The following MDGA1 variants were observed in gnomAD, a reference collection of about 807,000 sequenced individuals.
The protein encoded by MDGA1 is MAM domain containing glycosylphosphatidylinositol anchor 1.
A neutral mutation model predicts 101.5 loss-of-function variants in MDGA1; 54 were observed. The observed-to-expected ratio is 0.53, with a 90% confidence interval of 0.43 to 0.67. The LOEUF (loss-of-function observed/expected upper bound fraction) is 0.67. Among genes scored for constraint, MDGA1 ranks in the 30% least tolerant of loss-of-function variants. MDGA1 has a pLI of 0.00. For synonymous variants in MDGA1, 533 were observed against 558.3 expected (o/e 0.95, Z 0.64); for missense variants, 1,083 against 1,323.8 (o/e 0.82, Z 2.82).
Position 37,658,232 on chromosome 6 carries a change from G to A in MDGA1, c.382+13C>T. The A allele has an allele frequency of 6.4e-7, 1 of 1,566,106 alleles. No individual in the cohort carries two copies. Among genetic ancestry groups the A allele is most frequent in the South Asian group, 1.2e-5 (1 of 84,904 alleles). On this transcript the variant is annotated intron_variant, in intron 3 of 16. Coordinates refer to ENST00000434837, the MANE Select transcript of MDGA1 (RefSeq NM_153487.4). ...GCTGTCAGGGCCCGGGGAGAGAGGG[G>A]GCCTCAACTCACACTGCACGTCCAC...
intron 1 of MDGA1, among the ~76,000 whole-genome samples, chr6:37,691,637 T>C (rs748997075): frequency 1.3e-5 from 2 of 152,390 alleles, no homozygotes; most frequent in Admixed American, 6.5e-5. Flanking sequence ...GTGTTATTCA[T>C]AGACTTGAGG....
At position 37,631,931 on chromosome 6, in the gene MDGA1, G is replaced by C. The variant is rs1441291571; in HGVS notation, c.*5437C>G. 1 of 152,206 alleles carries C rather than the reference G, an allele frequency of 6.6e-6. No individual in the cohort carries two copies. Among genetic ancestry groups the C allele is most frequent in the Non-Finnish European group, 1.5e-5 (1 of 68,042 alleles). 9.4% of individuals were successfully genotyped at this position (152,206 alleles called of 1,614,324 possible). On this transcript the variant is annotated 3_prime_UTR_variant, in exon 17 of 17. Transcript: ENST00000434837. Reference sequence around the variant, plus strand: ...AGCGTGTAGGAGGGATGGTAGGGTTGGGTGCCGAGAAGGGAAAATGGCATT... The same window carrying C: ...AGCGTGTAGGAGGGATGGTAGGGTTCGGTGCCGAGAAGGGAAAATGGCATT...
rs1763924573 is a variant in MDGA1 at position 37,636,090 on chromosome 6, C to G, written c.*1278G>C. The G allele has an allele frequency of 5.4e-6, 1 of 184,260 alleles. No individual in the cohort carries two copies. The highest frequency in any genetic ancestry group is 6.2e-5 in the Admixed American group (1 of 16,172). The allele number at this position is 184,260 out of a possible 1,614,324, so 11.4% of individuals were successfully genotyped here. On this transcript the variant is annotated 3_prime_UTR_variant, in exon 17 of 17. Coordinates refer to ENST00000434837, the MANE Select transcript of MDGA1 (RefSeq NM_153487.4). ...GCCTAAAGAGTCATTCTAGAAGGGG[C>G]TGGGCCTTCTCTCTCCCATGGATGG...
At position 37,689,223 on chromosome 6, in the gene MDGA1, C is replaced by A. The variant is rs571337198; in HGVS notation, c.67+7522G>T. On this transcript the variant is annotated intron_variant, in intron 1 of 16. Coordinates refer to ENST00000434837, the MANE Select transcript of MDGA1 (RefSeq NM_153487.4). The stretch of plus-strand genomic sequence containing the variant: ...GCTCCCCAGGGCTCTGGCCTCAGCC[C>A]AATCCCTTCTCTCTACTTTCTAATC... Among the ~76,000 whole-genome samples, 11 of 152,322 alleles carry A rather than the reference C, an allele frequency of 7.2e-5. No homozygotes were observed. The East Asian group carries it at 2.1e-3, about 29-fold the overall frequency.
At chr6:37,642,585 C>T (rs76434345) in intron 14 of MDGA1, among the ~76,000 whole-genome samples, 1 of 152,220 alleles carries the variant, frequency 6.6e-6, no homozygotes, top group East Asian at 1.9e-4. Flanking sequence ...ATTATGTGCC[C>T]TTTTGTACCT....
At chr6:37,683,097 A>C (rs1229921436) in intron 1 of MDGA1, among the ~76,000 whole-genome samples, 1 of 152,214 alleles carries the variant, frequency 6.6e-6, no homozygotes, top group Non-Finnish European at 1.5e-5. Flanking sequence ...GATGGAGAAC[A>C]TGGTGCCTCT....
At chr6:37,646,694 G>GTC (rs1339627181) in intron 10 of MDGA1, among the ~76,000 whole-genome samples, 2 of 152,086 alleles carry the variant, frequency 1.3e-5, no homozygotes, top group African/African-American at 4.8e-5. Context: ...GGTCTAGGCA[G>GTC]TCTGCCCCTG....
intron 6 of MDGA1, among the ~76,000 whole-genome samples, chr6:37,653,028 T>A (rs1761404624): frequency 6.6e-6 from 1 of 152,198 alleles, no homozygotes; most frequent in Non-Finnish European, 1.5e-5. Context: ...AAGAAAAAGG[T>A]CTGGCCTCTT....
rs2114006589 is a variant in MDGA1, at chr6:37,644,633, A to G, written c.2265T>C (p.Phe755=). 1 of 1,590,610 alleles carries G rather than the reference A, an allele frequency of 6.3e-7. No homozygotes were observed. Among genetic ancestry groups the G allele is most frequent in the East Asian group, 2.3e-5 (1 of 42,582 alleles). ...SPNLSDNTCH[F]EDEKICGYTQ... ...TATAGCCACAGATCTTCTCATCCTC[A>G]AAGTGGCAGGTGTTGTCTGCATTTT... The change falls in exon 13 of 17, where the codon TTT becomes TTC. Residue 755 remains phenylalanine (F), a synonymous_variant. Coordinates refer to ENST00000434837, the MANE Select transcript of MDGA1 (RefSeq NM_153487.4).
chr6:37,658,294 C>T lies in MDGA1; in HGVS notation c.333G>A (p.Glu111=), dbSNP rs780367823. Residue 111 remains glutamate, a synonymous_variant, in exon 3 of 17, where the codon GAG becomes GAA. Transcript: ENST00000434837. Reference sequence around the variant, plus strand: ...TGATGGCCGGCACCCCCACGCCGTTCTCAGCCTTGCAGTAGTAGCGGCCGC... The same window carrying T: ...TGATGGCCGGCACCCCCACGCCGTTTTCAGCCTTGCAGTAGTAGCGGCCGC... ...TQGGRYYCKA[E]NGVGVPAIKS... is the part of the protein sequence containing the mutation. 6.2e-7 allele frequency: 1 copy of T among 1,611,580 alleles called. No individual in the cohort carries two copies. The highest frequency in any genetic ancestry group is 1.7e-5 in the Admixed American group (1 of 59,798).
At chr6:37,685,159 G>A (rs887292913) in intron 1 of MDGA1, among the ~76,000 whole-genome samples, 11 of 152,074 alleles carry the variant, frequency 7.2e-5, no homozygotes, top group Admixed American at 2.0e-4. Flanking sequence ...AAAATTAACC[G>A]GGTGTGGTGG....
intron 16 of MDGA1, 37 bp from the exon 17 acceptor site, chr6:37,637,496 C>G (rs572211911): frequency 6.4e-7 from 1 of 1,566,974 alleles, no homozygotes; most frequent in African/African-American, 1.3e-5. Flanking sequence ...GGCCAGGGCT[C>G]TGGTCAGCTC....
intron 8 of MDGA1, among the ~76,000 whole-genome samples, chr6:37,649,605 G>A (rs1468464303): frequency 2.0e-5 from 3 of 152,102 alleles, no homozygotes; most frequent in African/African-American, 7.2e-5. Flanking sequence ...TAGATGGGCT[G>A]GGTTCAAATC....
intron 1 of MDGA1, among the ~76,000 whole-genome samples, chr6:37,690,861 C>T (rs912913544): frequency 6.6e-6 from 1 of 152,060 alleles, no homozygotes; most frequent in Admixed American, 6.6e-5. Flanking sequence ...GAACAGCTCA[C>T]GAACTCCTCA....
intron 1 of MDGA1, among the ~76,000 whole-genome samples, chr6:37,692,290 G>A (rs570023782): frequency 1.9e-3 from 283 of 152,298 alleles, no homozygotes; most frequent in Non-Finnish European, 3.0e-3. Flanking sequence ...AGGCTCAGAT[G>A]TCCGGAGGTG....
intron 16 of MDGA1, chr6:37,637,972 CAG>C: frequency 1.7e-6 from 1 of 585,218 alleles, no homozygotes; most frequent in East Asian, 2.8e-5. Context: ...ATACCGTGAA[CAG>C]GTCAGTATGC....
At chr6:37,656,037 GCTTAACTAAC>G in intron 3 of MDGA1, 141 bp from the exon 4 acceptor site, 1 of 649,544 alleles carries the variant, frequency 1.5e-6, no homozygotes. Flanking sequence ...AGCCCTGCAA[GCTTAACTAAC>G]CTGTTAGAGG....
chr6:37,677,736 T>C (rs12210919), intron 1 of MDGA1, among the ~76,000 whole-genome samples: 10,472 of 152,194 alleles, frequency 0.069, 387 homozygotes, highest in Middle Eastern at 0.11. Context: ...TGAAAGCAAA[T>C]CAATGTTGCA....
chr6:37,677,090 T>C (rs893259428), intron 1 of MDGA1, among the ~76,000 whole-genome samples: 1 of 152,188 alleles, frequency 6.6e-6, no homozygotes, highest in Non-Finnish European at 1.5e-5. Context: ...AAGTTCTGCA[T>C]AGAGCAGGAC....
Sources: allele counts gnomAD v4.1 joint callset (sites outside exome capture counted in the v4.1 genomes callset), GRCh38; gene constraint gnomAD v4.1.1; transcripts MANE v1.5; gene names NCBI Gene and HGNC (gene_info 2026-07-23, HGNC 2026-07-21).